LRP2: variants seen among roughly 807,000 people sequenced by gnomAD.
LRP2 encodes low-density lipoprotein receptor-related protein 2.
In LRP2, 172 loss-of-function variants were observed where a neutral mutation model predicts 531.0. The ratio of observed to expected loss-of-function variants is 0.32; its 90% CI spans 0.29 to 0.37. LRP2 has a LOEUF of 0.37. LRP2 is among the 10% of genes least tolerant of loss of function. The pLI is 1.00. For missense variants in LRP2, 5,167 were observed against 5,868.3 expected, an observed-to-expected ratio of 0.88 and a Z score of 3.90; for synonymous variants, 1,992 against 2,027.6, an observed-to-expected ratio of 0.98 and a Z score of 0.47.
At chr2:169,289,916 T>A (rs1683956535) in intron 8 of LRP2, among the ~76,000 whole-genome samples, 1 of 152,202 alleles carries the variant, frequency 6.6e-6, no homozygotes, top group African/African-American at 2.4e-5. Flanking sequence ...TCTCTGCCTG[T>A]TTAAATATTA....
In LRP2 at chr2:169,206,081, G is replaced by T; in HGVS notation, c.7498C>A (p.Arg2500Ser). The T allele has an allele frequency of 6.2e-7, 1 of 1,614,164 alleles. No homozygotes were observed. The highest frequency in any genetic ancestry group is 8.5e-7 in the Non-Finnish European group (1 of 1,180,012). Residue 2500 changes from arginine (R) to serine (S), a missense_variant, in exon 40 of 79, where the codon CGC (arginine) becomes AGC (serine). This residue lies in a region of LRP2 where 1,129 missense variants were observed against 1,362.7 expected (regional missense o/e 0.83). Transcript: ENST00000649046. ...TTTGGAACGCGGGCTATCACAGTGCGGTTAGACCCATCTTCAGCCATGGAA... is the reference window on the plus strand; with the variant it reads ...TTTGGAACGCGGGCTATCACAGTGCTGTTAGACCCATCTTCAGCCATGGAA... ...INSMAEDGSN[R>S]TVIARVPKPR...
intron 1 of LRP2, among the ~76,000 whole-genome samples, chr2:169,362,004 C>T (rs1378778272): frequency 1.3e-5 from 2 of 152,264 alleles, no homozygotes; most frequent in Non-Finnish European, 2.9e-5. Context: ...GAACCTCGTT[C>T]TCCCGCAAAG....
intron 16 of LRP2, among the ~76,000 whole-genome samples, chr2:169,259,578 A>T (rs35583956): frequency 0.1 from 15,723 of 151,870 alleles, 1,000 homozygotes; most frequent in African/African-American, 0.18. Context: ...CCACCCGGAG[A>T]CGGCTCTGAT....
At chr2:169,327,474 T>C (rs7581268) in intron 1 of LRP2, among the ~76,000 whole-genome samples, 24,182 of 59,268 alleles carry the variant, frequency 0.41, 4,098 homozygotes, top group African/African-American at 0.43. Flanking sequence ...CCGCCCCGTC[T>C]GGGAGGGAGG....
chr2:169,284,945 A>G (rs1296927987), intron 9 of LRP2, among the ~76,000 whole-genome samples: 3 of 152,224 alleles, frequency 2.0e-5, no homozygotes, highest in Non-Finnish European at 4.4e-5. Context: ...CCAAAGGTGG[A>G]GAAGTCATAA....
chr2:169,306,155 T>C (rs990097710), intron 4 of LRP2, among the ~76,000 whole-genome samples: 7 of 151,874 alleles, frequency 4.6e-5, no homozygotes, highest in African/African-American at 1.7e-4. Context: ...ATATATGTTA[T>C]ATGTATATAT....
rs1167124569 is a variant in LRP2, at chr2:169,132,577, A to T, written c.13725T>A (p.Thr4575=). Residue 4575 remains threonine (T), a synonymous_variant, in exon 77 of 79, where the codon ACT becomes ACA. Coordinates refer to ENST00000649046, the MANE Select transcript of LRP2 (RefSeq NM_004525.3). ...TNPTSPAADG[T]QVTKWNLFKR... Reference sequence around the variant, plus strand: ...TTCAGGAGTCGGCAACTGTTACCTGAGTTCCATCAGCAGCTGGTGAAGTTG... The same window carrying T: ...TTCAGGAGTCGGCAACTGTTACCTGTGTTCCATCAGCAGCTGGTGAAGTTG... 1 of 1,586,936 alleles carries T rather than the reference A, an allele frequency of 6.3e-7. No individual in the cohort carries two copies. Among genetic ancestry groups the T allele is most frequent in the South Asian group, 1.1e-5 (1 of 90,558 alleles).
At chr2:169,338,314 GAT>G (rs1385933445) in intron 1 of LRP2, among the ~76,000 whole-genome samples, 16 of 147,342 alleles carry the variant, frequency 1.1e-4, no homozygotes, top group African/African-American at 4.0e-4. Flanking sequence ...AAGAAAGAAA[GAT>G]AGAATGTAAG....
At chr2:169,316,820 A>C (rs1034047375) in intron 3 of LRP2, among the ~76,000 whole-genome samples, 4 of 152,166 alleles carry the variant, frequency 2.6e-5, no homozygotes, top group Admixed American at 2.6e-4. Context: ...CCAATACTCA[A>C]GGGCTGAGTA....
chr2:169,221,343 CA>C (rs750308638), intron 33 of LRP2, among the ~76,000 whole-genome samples: 2 of 152,054 alleles, frequency 1.3e-5, no homozygotes, highest in African/African-American at 2.4e-5. Context: ...AGGTAGATCC[CA>C]TTATTTTTCT....
At chr2:169,232,523 C>G (rs142932662) in intron 30 of LRP2, among the ~76,000 whole-genome samples, 1 of 151,964 alleles carries the variant, frequency 6.6e-6, no homozygotes, top group East Asian at 1.9e-4. Flanking sequence ...TATATTCGAG[C>G]AAAAAGAAAC....
intron 42 of LRP2, among the ~76,000 whole-genome samples, chr2:169,203,572 C>T (rs1330733905): frequency 6.6e-6 from 1 of 152,112 alleles, no homozygotes; most frequent in African/African-American, 2.4e-5. Flanking sequence ...CTAGCCTGGC[C>T]AACATGGTGA....
At chr2:169,270,277 A>T (rs1293478105) in intron 16 of LRP2, among the ~76,000 whole-genome samples, 1 of 152,216 alleles carries the variant, frequency 6.6e-6, no homozygotes, top group Non-Finnish European at 1.5e-5. Flanking sequence ...AAGGATTATA[A>T]ATCATGCTGC....
In LRP2 at chr2:169,213,668, T is replaced by C. The variant is rs781378485; in HGVS notation, c.6029A>G (p.Tyr2010Cys). Residue 2010 changes from tyrosine to cysteine, a missense_variant, in exon 36 of 79, where the codon TAT becomes TGT. Coordinates refer to ENST00000649046, the MANE Select transcript of LRP2 (RefSeq NM_004525.3). ...TGACAAATACTTACTGCGTCTGTGATAAACTTGAAGACCCCTCAGATTTGG... is the reference window on the plus strand; with the variant it reads ...TGACAAATACTTACTGCGTCTGTGACAAACTTGAAGACCCCTCAGATTTGG... ...NVPNLRGLQV[Y>C]HRRNAAESSN... 2.5e-6 allele frequency: 4 copies of C among 1,612,680 alleles called. No individual in the cohort carries two copies.
At position 169,207,162 on chromosome 2, in the gene LRP2, T is replaced by C; in HGVS notation, c.6558A>G (p.Lys2186=). Residue 2186 remains lysine (K), a synonymous_variant, in exon 39 of 79, where the codon AAA becomes AAG. Coordinates refer to ENST00000649046, the MANE Select transcript of LRP2 (RefSeq NM_004525.3). ...TATGCCTAGGCATGTCCACTGTGAC[T>C]TTAAGAAGAACACGGCGGTAAGTAG... ...INTTYRRVLL[K]VTVDMPRHIV... The C allele has an allele frequency of 6.2e-7, 1 of 1,613,644 alleles. No homozygotes were observed. The highest frequency in any genetic ancestry group is 8.5e-7 in the Non-Finnish European group (1 of 1,179,828).
intron 4 of LRP2, among the ~76,000 whole-genome samples, chr2:169,300,433 T>TC (rs1241448992): frequency 7.1e-6 from 1 of 141,414 alleles, no homozygotes; most frequent in Non-Finnish European, 1.5e-5. Context: ...TTCAGTGGGT[T>TC]CTAAAAAAAG....
intron 52 of LRP2, among the ~76,000 whole-genome samples, chr2:169,180,401 G>C (rs1687383283): frequency 6.6e-6 from 1 of 152,218 alleles, no homozygotes; most frequent in Non-Finnish European, 1.5e-5. Flanking sequence ...TCTACCCTAA[G>C]AGTGAGTTAA....
intron 4 of LRP2, among the ~76,000 whole-genome samples, chr2:169,303,940 A>C (rs1684347579): frequency 6.6e-6 from 1 of 152,194 alleles, no homozygotes; most frequent in Non-Finnish European, 1.5e-5. Flanking sequence ...TTGATTAAAA[A>C]TTCCTGCCCA....
At position 169,212,028 on chromosome 2, in the gene LRP2, T is replaced by C. The variant is rs1490178953; in HGVS notation, c.6220A>G (p.Arg2074Gly). 5 of 1,613,868 alleles carry C rather than the reference T, an allele frequency of 3.1e-6. No homozygotes were observed. Among genetic ancestry groups the C allele is most frequent in the Non-Finnish European group, 4.2e-6 (5 of 1,179,910 alleles). The change falls in exon 37 of 79, where the codon AGA (arginine) becomes GGA (glycine). Residue 2074 changes from arginine to glycine, a missense_variant. This residue lies in a region of LRP2 where 2,811 missense variants were observed against 3,058.0 expected (regional missense o/e 0.92). Coordinates refer to ENST00000649046, the MANE Select transcript of LRP2 (RefSeq NM_004525.3). ...TCTGACAATTCCAAGCTAAAGCCTCTGATTGCAGACAGCATTGAAACAACA... is the reference window on the plus strand; with the variant it reads ...TCTGACAATTCCAAGCTAAAGCCTCCGATTGCAGACAGCATTGAAACAACA... ...FIVVSMLSAI[R>G]GFSLELSDHS...
Sources: gnomAD v4.1 joint callset for allele counts (sites outside exome capture counted in the v4.1 genomes callset) on GRCh38, gnomAD v4.1.1 for gene constraint, gnomAD v4.1.1 regional missense constraint, MANE v1.5 for transcripts, NCBI Gene and HGNC (gene_info 2026-07-23, HGNC 2026-07-21) for gene names.